NSMCE2: variants seen among roughly 807,000 people sequenced by gnomAD.
NSMCE2 encodes NSE2 SUMO ligase component of SMC5/6 complex, also known as E3 SUMO-protein ligase NSE2.
Under a neutral mutation model 23.8 loss-of-function variants are expected in NSMCE2, and 24 were observed. The observed-to-expected ratio is 1.01, with a 90% CI of 0.73 to 1.42. The LOEUF is 1.42. Among genes scored for constraint, NSMCE2 ranks in the 40% most tolerant of loss-of-function variants. NSMCE2 has a pLI of 0.00. For missense variants in NSMCE2, 284 were observed against 296.5 expected (o/e 0.96, Z 0.31); for synonymous variants, 92 against 94.1 (o/e 0.98, Z 0.13).
intron 5 of NSMCE2, among the ~76,000 whole-genome samples, chr8:125,305,647 C>T (rs10481154): frequency 0.032 from 4,943 of 152,204 alleles, 251 homozygotes; most frequent in African/African-American, 0.11. Context: ...GAAACAGACC[C>T]TCAGTAAATG....
chr8:125,146,989 T>C (rs1200555299), intron 3 of NSMCE2, among the ~76,000 whole-genome samples: 1 of 152,210 alleles, frequency 6.6e-6, no homozygotes, highest in Non-Finnish European at 1.5e-5. Flanking sequence ...CAGTGTTCCC[T>C]AATTGTTAGC....
intron 5 of NSMCE2, among the ~76,000 whole-genome samples, chr8:125,296,842 G>C (rs968759933): frequency 6.6e-5 from 10 of 152,060 alleles, no homozygotes; most frequent in African/African-American, 2.4e-4. Context: ...TACTTTCGTG[G>C]AATAAAAATG....
At chr8:125,259,000 T>G (rs1826562650) in intron 5 of NSMCE2, among the ~76,000 whole-genome samples, 1 of 152,172 alleles carries the variant, frequency 6.6e-6, no homozygotes, top group Non-Finnish European at 1.5e-5. Flanking sequence ...CCTCTTGGGT[T>G]CAAGCGATTC....
chr8:125,287,375 G>A (rs1407417932), intron 5 of NSMCE2, among the ~76,000 whole-genome samples: 4 of 152,116 alleles, frequency 2.6e-5, no homozygotes, highest in Non-Finnish European at 5.9e-5. Context: ...TTTGCCTCCA[G>A]CTATCTGGAG....
intron 5 of NSMCE2, among the ~76,000 whole-genome samples, chr8:125,282,954 C>T (rs550668596): frequency 6.6e-6 from 1 of 152,300 alleles, no homozygotes; most frequent in Admixed American, 6.5e-5. Flanking sequence ...GGAAGGTAGT[C>T]TAGCATAATT....
intron 5 of NSMCE2, among the ~76,000 whole-genome samples, chr8:125,207,793 A>C (rs1824172584): frequency 6.6e-6 from 1 of 152,202 alleles, no homozygotes; most frequent in Admixed American, 6.5e-5. Context: ...CAGCTGTGAC[A>C]GCTGATCCCT....
intron 5 of NSMCE2, among the ~76,000 whole-genome samples, chr8:125,315,182 G>GTGGT (rs1394724562): frequency 6.6e-6 from 1 of 152,082 alleles, no homozygotes; most frequent in Non-Finnish European, 1.5e-5. Flanking sequence ...CAGGGATAGA[G>GTGGT]TGGTAGGGAC....
intron 5 of NSMCE2, among the ~76,000 whole-genome samples, chr8:125,207,778 G>A (rs1489677351): frequency 6.6e-6 from 1 of 152,244 alleles, no homozygotes. Context: ...CGCCTAGAAT[G>A]TCTTCAGCTG....
intron 5 of NSMCE2, among the ~76,000 whole-genome samples, chr8:125,263,132 T>C (rs1202824168): frequency 6.6e-6 from 1 of 152,202 alleles, no homozygotes; most frequent in Admixed American, 6.5e-5. Context: ...AATCAGCAAG[T>C]AATGATTAAG....
chr8:125,096,328 C>T (rs1817927246), intron 1 of NSMCE2, among the ~76,000 whole-genome samples: 1 of 152,116 alleles, frequency 6.6e-6, no homozygotes, highest in South Asian at 2.1e-4. Flanking sequence ...TTGGTGGGCA[C>T]CTGTCCAGTA....
chr8:125,259,800 C>T (rs1826608763), intron 5 of NSMCE2, among the ~76,000 whole-genome samples: 2 of 152,118 alleles, frequency 1.3e-5, no homozygotes. Flanking sequence ...TTATCTCATT[C>T]ATAGGTCAGA....
chr8:125,259,986 G>A (rs1826619283), intron 5 of NSMCE2, among the ~76,000 whole-genome samples: 1 of 152,160 alleles, frequency 6.6e-6, no homozygotes, highest in Admixed American at 6.5e-5. Context: ...AGCAACCGAG[G>A]CAGCAGCCTG....
At chr8:125,316,847 C>CA (rs2131255018) in intron 5 of NSMCE2, among the ~76,000 whole-genome samples, 1 of 151,508 alleles carries the variant, frequency 6.6e-6, no homozygotes, top group South Asian at 2.1e-4. Context: ...AGCATGATCA[C>CA]AGTTCACTGC....
intron 4 of NSMCE2, among the ~76,000 whole-genome samples, chr8:125,158,707 A>C (rs1355314034): frequency 6.6e-6 from 1 of 151,466 alleles, no homozygotes; most frequent in African/African-American, 2.5e-5. Context: ...ATGTCAATTT[A>C]ACTTCCTTCC....
At chr8:125,253,759 A>G (rs1171272154) in intron 5 of NSMCE2, among the ~76,000 whole-genome samples, 1 of 152,240 alleles carries the variant, frequency 6.6e-6, no homozygotes, top group Non-Finnish European at 1.5e-5. Context: ...AGCCTGATTT[A>G]AAAGATAATT....
intron 3 of NSMCE2, among the ~76,000 whole-genome samples, chr8:125,110,759 G>GTTTTTTTTTTTTT (rs1387354813): frequency 5.2e-5 from 3 of 58,110 alleles, no homozygotes; most frequent in African/African-American, 2.2e-4. Context: ...TTTGGTTGTT[G>GTTTTTTTTTTTTT]TTGTTTTTTT....
intron 4 of NSMCE2, among the ~76,000 whole-genome samples, chr8:125,165,796 C>G (rs1821847000): frequency 6.6e-6 from 1 of 152,110 alleles, no homozygotes. Flanking sequence ...TTCATTTTCA[C>G]TTAGTCAGAA....
In NSMCE2 at chr8:125,102,084, C is replaced by T. The variant is rs1395902214; in HGVS notation, c.-77C>T. The T allele has an allele frequency of 7.4e-6, 3 of 404,038 alleles. No homozygotes were observed. The highest frequency in any genetic ancestry group is 7.5e-5 in the Admixed American group (2 of 26,750). 25.0% of individuals were successfully genotyped at this position (404,038 alleles called of 1,614,324 possible). ...ACTCTTTTGGAAGAGGGTAATCTCT[C>T]TCCAAAAACTGAGGACACTTACCTT... On this transcript the variant is annotated 5_prime_UTR_variant, in exon 2 of 8. Transcript: ENST00000287437.
intron 5 of NSMCE2, among the ~76,000 whole-genome samples, chr8:125,186,474 G>T (rs1823111156): frequency 6.6e-6 from 1 of 152,098 alleles, no homozygotes; most frequent in African/African-American, 2.4e-5. Flanking sequence ...GATTCACTGT[G>T]TATGAATTAC....
Sources: allele counts gnomAD v4.1 joint callset (sites outside exome capture counted in the v4.1 genomes callset), GRCh38; gene constraint gnomAD v4.1.1; transcripts MANE v1.5; gene names NCBI Gene and HGNC (gene_info 2026-07-23, HGNC 2026-07-21).